MAP3K13: variants seen among roughly 807,000 people sequenced by gnomAD.
MAP3K13 encodes the protein mitogen-activated protein kinase kinase kinase 13, also known as leucine zipper-bearing kinase.
A neutral mutation model predicts 104.0 loss-of-function variants in MAP3K13; 52 were observed. The ratio of observed to expected loss-of-function variants is 0.50; its 90% CI spans 0.40 to 0.63. The LOEUF (loss-of-function observed/expected upper bound fraction) is 0.63, where lower values mean the gene tolerates loss of function less well. MAP3K13 is among the 20% of genes least tolerant of loss of function. MAP3K13 has a pLI of 0.00. For missense variants in MAP3K13, 914 were observed against 1,218.5 expected, an observed-to-expected ratio of 0.75 and a Z score of 3.72; for synonymous variants, 394 against 442.2, an observed-to-expected ratio of 0.89 and a Z score of 1.37.
intron 2 of MAP3K13, 125 bp from the exon 3 acceptor site, chr3:185,437,322 C>T: frequency 1.4e-6 from 1 of 724,386 alleles, no homozygotes; most frequent in Non-Finnish European, 2.3e-6. Context: ...AAGGTTCTAT[C>T]TTTTGCCGGG....
chr3:185,283,992 T>C (rs962470373), intron 1 of MAP3K13, among the ~76,000 whole-genome samples: 1 of 145,616 alleles, frequency 6.9e-6, no homozygotes, highest in Non-Finnish European at 1.5e-5. Context: ...TCCGACCCCC[T>C]GGTTCAAGTG....
chr3:185,396,848 G>C (rs1712454166), intron 1 of MAP3K13, among the ~76,000 whole-genome samples: 1 of 152,148 alleles, frequency 6.6e-6, no homozygotes, highest in Non-Finnish European at 1.5e-5. Flanking sequence ...AAGGCATGCA[G>C]ACCTTTTCAT....
At chr3:185,378,875 G>C (rs968672223) in intron 1 of MAP3K13, among the ~76,000 whole-genome samples, 1 of 152,182 alleles carries the variant, frequency 6.6e-6, no homozygotes, top group Non-Finnish European at 1.5e-5. Context: ...TGGCCATTTA[G>C]AACCATTGTC....
intron 7 of MAP3K13, among the ~76,000 whole-genome samples, chr3:185,452,037 T>C (rs1290538394): frequency 1.3e-5 from 2 of 152,040 alleles, no homozygotes; most frequent in Non-Finnish European, 2.9e-5. Context: ...TTCAAGAAAG[T>C]ATTATCTTCT....
Position 185,418,826 on chromosome 3 carries a change from C to A in MAP3K13, c.-85-9671C>A. The A allele has an allele frequency of 6.5e-7, 1 of 1,547,924 alleles. No homozygotes were observed. The highest frequency in any genetic ancestry group is 8.8e-7 in the Non-Finnish European group (1 of 1,138,004). On this transcript the variant is annotated intron_variant, in intron 1 of 13. Coordinates refer to ENST00000265026, the MANE Select transcript of MAP3K13 (RefSeq NM_004721.5). The surrounding 1 kb of genome is among the most constrained non-coding windows in gnomAD (Gnocchi z 4.5). ...GCTCCTCTCAGCCCGGCTGCTGCCACAGGAAAAGCATGTTCTTGTCTTTTC... is the reference window on the plus strand; with the variant it reads ...GCTCCTCTCAGCCCGGCTGCTGCCAAAGGAAAAGCATGTTCTTGTCTTTTC...
intron 1 of MAP3K13, among the ~76,000 whole-genome samples, chr3:185,420,200 G>A (rs1172388604): frequency 1.3e-5 from 2 of 152,154 alleles, no homozygotes; most frequent in Non-Finnish European, 2.9e-5. Flanking sequence ...TTGTCGATTT[G>A]AGTTTTTATT....
chr3:185,328,662 C>A (rs939090556), intron 2 of MAP3K13: 1 of 152,226 alleles, frequency 6.6e-6, no homozygotes, highest in Non-Finnish European at 1.5e-5. Flanking sequence ...AACCAAAGCC[C>A]AGCCATCGGA....
At chr3:185,362,105 G>A (rs987962043), upstream of MAP3K13, among the ~76,000 whole-genome samples, 1 of 152,120 alleles carries the variant, frequency 6.6e-6, no homozygotes, top group Non-Finnish European at 1.5e-5. Flanking sequence ...GAATGTTCTT[G>A]GTCACTGGAC....
At chr3:185,468,907 C>T (rs1426794430) in intron 10 of MAP3K13, among the ~76,000 whole-genome samples, 2 of 152,288 alleles carry the variant, frequency 1.3e-5, no homozygotes, top group South Asian at 4.1e-4. Flanking sequence ...AAACTAAGAG[C>T]GCTGGGGGAG....
intron 13 of MAP3K13, 29 bp downstream of exon 13, chr3:185,480,558 A>G: frequency 1.9e-6 from 3 of 1,598,378 alleles, no homozygotes; most frequent in Non-Finnish European, 2.6e-6. Context: ...TCCTCCCATC[A>G]CTGTTCCCTT....
intron 2 of MAP3K13, 147 bp from the exon 3 acceptor site, chr3:185,437,300 A>G (rs1305838188): frequency 5.0e-6 from 3 of 599,484 alleles, no homozygotes; most frequent in South Asian, 5.0e-5. Context: ...CTATAGTTCC[A>G]AGGTACATAG....
chr3:185,415,648 G>A (rs990277591), intron 1 of MAP3K13, among the ~76,000 whole-genome samples: 1 of 128,698 alleles, frequency 7.8e-6, no homozygotes, highest in African/African-American at 3.0e-5. Flanking sequence ...CAATGGTGCC[G>A]TCTTGTCTCA....
rs1723724946 is a variant in MAP3K13, at chr3:185,363,347, T to G, written c.-107T>G. 2 of 985,130 alleles carry G rather than the reference T, an allele frequency of 2.0e-6. No homozygotes were observed. The highest frequency in any genetic ancestry group is 1.2e-4 in the Admixed American group (2 of 16,264). The allele number at this position is 985,130 out of a possible 1,614,324, so 61.0% of individuals were successfully genotyped here. On this transcript the variant is annotated 5_prime_UTR_variant, in exon 1 of 14. An upstream start codon of the reference 5' UTR is lost. Transcript: ENST00000265026. ...TTCAAAGCAAGAAAATGGAACAGCATGTGTAGGAATTCTTCGTTGTTGTGA... is the reference window on the plus strand; with the variant it reads ...TTCAAAGCAAGAAAATGGAACAGCAGGTGTAGGAATTCTTCGTTGTTGTGA...
chr3:185,285,662 T>G, intron 2 of MAP3K13: 1 of 1,532,188 alleles, frequency 6.5e-7, no homozygotes, highest in Non-Finnish European at 8.7e-7. Context: ...TTGACTGTGT[T>G]TTATGTTTGG....
chr3:185,329,167 T>G lies in MAP3K13; in HGVS notation c.-86+43524T>G, dbSNP rs560452289. Reference sequence around the variant, plus strand: ...AAGCCGTGAGGTGTATCAGCAAGTGTGCTGCTAAAACAGGTCCCGTGTGCA... The same window carrying G: ...AAGCCGTGAGGTGTATCAGCAAGTGGGCTGCTAAAACAGGTCCCGTGTGCA... On this transcript the variant is annotated intron_variant, in intron 2 of 14. Coordinates refer to the MAP3K13 transcript ENST00000424227. 5.0e-5 allele frequency: 35 copies of G among 701,702 alleles called. No homozygotes were observed. The South Asian group carries it at 5.2e-4, about 10-fold the overall frequency. The allele number at this position is 701,702 out of a possible 1,614,324, so 43.5% of individuals were successfully genotyped here. A position where few individuals can be genotyped will look rare whatever the true frequency, so the allele number is the denominator to read the frequency against.
intron 1 of MAP3K13, among the ~76,000 whole-genome samples, chr3:185,409,929 G>A (rs1464284370): frequency 6.6e-6 from 1 of 152,194 alleles, no homozygotes; most frequent in Admixed American, 6.5e-5. Context: ...GATGTGGTGG[G>A]TGGTGGGTGG....
intron 2 of MAP3K13, among the ~76,000 whole-genome samples, chr3:185,333,883 G>A (rs982077364): frequency 5.8e-4 from 89 of 152,208 alleles, no homozygotes; most frequent in African/African-American, 2.1e-3. Flanking sequence ...ACAAAACGCT[G>A]TGTCTACAAA....
At chr3:185,435,494 A>G (rs1714983182) in intron 2 of MAP3K13, among the ~76,000 whole-genome samples, 2 of 152,222 alleles carry the variant, frequency 1.3e-5, no homozygotes, top group African/African-American at 4.8e-5. Context: ...AGCCAACGCT[A>G]TCACTTGCTG....
chr3:185,419,182 AGTAGAGCTGGG>A (rs1322766749), intron 1 of MAP3K13, among the ~76,000 whole-genome samples: 1 of 151,992 alleles, frequency 6.6e-6, no homozygotes, highest in Non-Finnish European at 1.5e-5. Context: ...TTGTATTTTT[AGTAGAGCTGGG>A]GTTTCACCAT....
Sources: allele counts gnomAD v4.1 joint callset (sites outside exome capture counted in the v4.1 genomes callset), GRCh38; gene constraint gnomAD v4.1.1; non-coding constraint Gnocchi (gnomAD v3.1); transcripts MANE v1.5; gene names NCBI Gene and HGNC (gene_info 2026-07-23, HGNC 2026-07-21).